Variants in RSPH6A observed in about 807,000 individuals in gnomAD.
RSPH6A encodes radial spoke head 6 homolog A.
Under a neutral mutation model 66.1 loss-of-function variants are expected in RSPH6A, and 49 were observed. That is an observed-to-expected ratio of 0.74 (90% CI 0.59 to 0.94). RSPH6A has a LOEUF of 0.94. Among genes scored for constraint, RSPH6A ranks in the 40% least tolerant of loss-of-function variants. The pLI, the probability that RSPH6A is intolerant of heterozygous loss-of-function variation, is 0.00. For synonymous variants in RSPH6A, 419 were observed against 402.4 expected (o/e 1.04, Z -0.49); for missense variants, 977 against 948.3 (o/e 1.03, Z -0.40).
At chr19:45,812,785 T>G (rs1472907122) in intron 1 of RSPH6A, among the ~76,000 whole-genome samples, 1 of 151,580 alleles carries the variant, frequency 6.6e-6, no homozygotes, top group Non-Finnish European at 1.5e-5. Flanking sequence ...AGCCTCTGCC[T>G]CCCGGTTCAA....
At chr19:45,802,025 G>A (rs1352458983) in intron 4 of RSPH6A, 95 bp downstream of exon 4, 2 of 1,245,834 alleles carry the variant, frequency 1.6e-6, no homozygotes, top group Non-Finnish European at 2.1e-6. Context: ...TGGGAGGGAA[G>A]GACCGGGGAG....
At position 45,814,680 on chromosome 19, in the gene RSPH6A, T is replaced by A; in HGVS notation, c.497A>T (p.Tyr166Phe). ...QFSEGAQHGP[Y>F]IRDDPALQFL... The stretch of plus-strand genomic sequence containing the variant: ...CTGAAGGGCAGGGTCATCCCTTATG[T>A]AAGGCCCGTGCTGGGCACCTTCAGA... The change falls in exon 1 of 6, where the codon TAC becomes TTC. Residue 166 changes from tyrosine (Y) to phenylalanine (F), a missense_variant. Coordinates refer to ENST00000221538, the MANE Select transcript of RSPH6A (RefSeq NM_030785.4). 4 of 1,612,052 alleles carry A rather than the reference T, an allele frequency of 2.5e-6. No individual in the cohort carries two copies. The highest frequency in any genetic ancestry group is 2.5e-6 in the Non-Finnish European group (3 of 1,178,926).
At chr19:45,809,801 G>C (rs772693348) in intron 2 of RSPH6A, among the ~76,000 whole-genome samples, 1 of 152,076 alleles carries the variant, frequency 6.6e-6, no homozygotes, top group African/African-American at 2.4e-5. Context: ...TCAAAGCAGT[G>C]GGGGGGCAGG....
intron 5 of RSPH6A, among the ~76,000 whole-genome samples, chr19:45,799,859 CA>C (rs1258587614): frequency 6.6e-6 from 1 of 152,142 alleles, no homozygotes; most frequent in East Asian, 1.9e-4. Flanking sequence ...CCAGCCTGGC[CA>C]ACATGGTGAA....
intron 4 of RSPH6A, 151 bp downstream of exon 4, chr19:45,801,969 G>T: frequency 1.5e-6 from 1 of 655,604 alleles, no homozygotes; most frequent in Non-Finnish European, 2.2e-6. Flanking sequence ...TCCTGATGGG[G>T]CCACTGTGAT....
chr19:45,798,587 C>T (rs1970433336), intron 5 of RSPH6A, among the ~76,000 whole-genome samples: 1 of 148,310 alleles, frequency 6.7e-6, no homozygotes, highest in South Asian at 2.1e-4. Flanking sequence ...GCCTGTAATC[C>T]CAGCCCTTTG....
intron 3 of RSPH6A, 89 bp from the exon 4 acceptor site, chr19:45,802,353 G>A (rs1970484628): frequency 8.3e-7 from 1 of 1,205,186 alleles, no homozygotes; most frequent in Non-Finnish European, 1.1e-6. Context: ...AACAGGCATA[G>A]CCTTGTCCTC....
At chr19:45,802,828 T>C (rs1474927355) in intron 3 of RSPH6A, among the ~76,000 whole-genome samples, 1 of 150,692 alleles carries the variant, frequency 6.6e-6, no homozygotes, top group Admixed American at 6.6e-5. Flanking sequence ...TCTTTTCTTT[T>C]TTTTTTTTGA....
chr19:45,803,510 C>G (rs771566459), intron 3 of RSPH6A, among the ~76,000 whole-genome samples: 2 of 152,040 alleles, frequency 1.3e-5, no homozygotes, highest in Non-Finnish European at 1.5e-5. Context: ...AACCCTGTCT[C>G]TCCTAAAAGT....
chr19:45,810,920 G>A, intron 1 of RSPH6A, 80 bp from the exon 2 acceptor site: 1 of 1,187,854 alleles, frequency 8.4e-7, no homozygotes, highest in Non-Finnish European at 1.2e-6. Context: ...GCCTGGCCCT[G>A]TGCCTGGTGC....
intron 1 of RSPH6A, among the ~76,000 whole-genome samples, chr19:45,814,282 C>T (rs1002844235): frequency 6.6e-6 from 1 of 152,176 alleles, no homozygotes. Context: ...CGGTCTCCTC[C>T]TCTGTAAAGT....
At chr19:45,812,748 T>A (rs1477657973) in intron 1 of RSPH6A, among the ~76,000 whole-genome samples, 14 of 151,950 alleles carry the variant, frequency 9.2e-5, no homozygotes, top group Admixed American at 6.6e-5. Flanking sequence ...CAGGCTGGAG[T>A]GCACTGGCAC....
rs1970685900 is a variant in RSPH6A at position 45,815,003 on chromosome 19, T to C, written c.174A>G (p.Ser58=). ...PDAQRNAPGW[S]QRGSLSQQEN... ...CCTGTTGGGACAGGCTGCCCCTCTG[T>C]GACCAACCAGGGGCGTTTCGCTGGG... Residue 58 remains serine (S), a synonymous_variant, in exon 1 of 6, where the codon TCA becomes TCG. Transcript: ENST00000221538. The C allele has an allele frequency of 6.2e-7, 1 of 1,613,742 alleles. No individual in the cohort carries two copies. Among genetic ancestry groups the C allele is most frequent in the Admixed American group, 1.7e-5 (1 of 60,006 alleles).
At position 45,815,076 on chromosome 19, in the gene RSPH6A, T is replaced by C. The variant is rs374792584; in HGVS notation, c.101A>G (p.Gln34Arg). 3.7e-6 allele frequency: 6 copies of C among 1,613,302 alleles called. No homozygotes were observed. In the African/African-American group the frequency reaches 6.7e-5, roughly 18 times the overall value. ...SQRRHSRDQAQALAADPEERQ... is the reference protein window; with the variant it reads ...SQRRHSRDQARALAADPEERQ... The stretch of plus-strand genomic sequence containing the variant: ...CTCCTCGGGGTCCGCTGCCAGGGCC[T>C]GAGCTTGGTCCCGACTGTGCCGCCT... Residue 34 changes from glutamine (Q) to arginine (R), a missense_variant, in exon 1 of 6, where the codon CAG becomes CGG. By Grantham distance (43) the Gln-to-Arg change is conservative. Transcript: ENST00000221538.
chr19:45,801,635 C>G (rs747764571), intron 4 of RSPH6A, among the ~76,000 whole-genome samples: 3 of 152,214 alleles, frequency 2.0e-5, no homozygotes, highest in Non-Finnish European at 2.9e-5. Flanking sequence ...GTGGCACACG[C>G]CTGCAATCCA....
At position 45,814,771 on chromosome 19, in the gene RSPH6A, G is replaced by T; in HGVS notation, c.406C>A (p.Pro136Thr). 1.9e-6 allele frequency: 3 copies of T among 1,613,840 alleles called. No individual in the cohort carries two copies. Among genetic ancestry groups the T allele is most frequent in the Non-Finnish European group, 2.5e-6 (3 of 1,179,854 alleles). The change falls in exon 1 of 6, where the codon CCC becomes ACC. Residue 136 changes from proline (P) to threonine (T), a missense_variant. By Grantham distance (38) the Pro-to-Thr change is conservative (BLOSUM62 -1). Coordinates refer to ENST00000221538, the MANE Select transcript of RSPH6A (RefSeq NM_030785.4). ...GQSSLFQQLD[P>T]TFQEPPVNPL... The stretch of plus-strand genomic sequence containing the variant: ...TTGACTGGGGGCTCCTGGAAGGTGG[G>T]GTCCAGTTGCTGGAACAGGCTGCTT...
chr19:45,795,887 G>T lies in RSPH6A; in HGVS notation c.2136C>A (p.Gly712=), dbSNP rs143961616. ...EEEEGEEEEE[G]EETDD ...GTGGGCCTCAGTCATCTGTCTCCTCGCCCTCCTCCTCCTCCTCGCCCTCCT... is the reference window on the plus strand; with the variant it reads ...GTGGGCCTCAGTCATCTGTCTCCTCTCCCTCCTCCTCCTCCTCGCCCTCCT... Residue 712 remains glycine (G), a synonymous_variant, in exon 6 of 6, where the codon GGC becomes GGA. Transcript: ENST00000221538. The T allele has an allele frequency of 4.4e-6, 7 of 1,604,710 alleles. No individual in the cohort carries two copies. Among genetic ancestry groups the T allele is most frequent in the Non-Finnish European group, 5.1e-6 (6 of 1,175,242 alleles).
intron 3 of RSPH6A, among the ~76,000 whole-genome samples, chr19:45,803,273 G>A (rs917800286): frequency 2.6e-5 from 4 of 151,282 alleles, no homozygotes; most frequent in African/African-American, 4.9e-5. Flanking sequence ...CTAACTACTC[G>A]GGAGGCTAAG....
intron 2 of RSPH6A, among the ~76,000 whole-genome samples, chr19:45,808,309 C>T (rs1001074696): frequency 6.6e-6 from 1 of 152,128 alleles, no homozygotes; most frequent in Non-Finnish European, 1.5e-5. Flanking sequence ...AGCCTGTAGT[C>T]CCAGCTACTC....
Sources: allele counts gnomAD v4.1 joint callset (sites outside exome capture counted in the v4.1 genomes callset), GRCh38; gene constraint gnomAD v4.1.1; transcripts MANE v1.5; gene names NCBI Gene and HGNC (gene_info 2026-07-23, HGNC 2026-07-21).